ZC3H7B: variants seen among roughly 807,000 people sequenced by gnomAD.
ZC3H7B encodes the protein zinc finger CCCH-type containing 7B.
Under a neutral mutation model 116.0 loss-of-function variants are expected in ZC3H7B, and 35 were observed. The ratio of observed to expected loss-of-function variants is 0.30; its 90% CI spans 0.23 to 0.40. ZC3H7B has a LOEUF of 0.40. ZC3H7B is among the 10% of genes least tolerant of loss of function. The pLI is 1.00. For missense variants in ZC3H7B, 1,011 were observed against 1,321.5 expected (o/e 0.77, Z 3.64); for synonymous variants, 502 against 545.6 (o/e 0.92, Z 1.11).
chr22:41,313,256 C>A (rs1366277263), intron 1 of ZC3H7B, among the ~76,000 whole-genome samples: 1 of 152,020 alleles, frequency 6.6e-6, no homozygotes, highest in Non-Finnish European at 1.5e-5. Flanking sequence ...GTAGCTGGGA[C>A]TACAGGCGCC....
intron 14 of ZC3H7B, among the ~76,000 whole-genome samples, chr22:41,347,364 T>A (rs1260129723): frequency 6.6e-6 from 1 of 152,220 alleles, no homozygotes; most frequent in Non-Finnish European, 1.5e-5. Flanking sequence ...GCCATTGCGC[T>A]TCCCTGCCTG....
rs1483495268 is a variant in ZC3H7B, at chr22:41,351,153, T to G, written c.1949-408T>G. ...GCCAGGCTGGGCAGGCATGGAGCCCTAAGTGCCAGTGAGGCCAGGGGCTGC... is the reference window on the plus strand; with the variant it reads ...GCCAGGCTGGGCAGGCATGGAGCCCGAAGTGCCAGTGAGGCCAGGGGCTGC... On this transcript the variant is annotated intron_variant, in intron 16 of 22. Transcript: ENST00000352645. This position sits in a 1 kb window ranked among gnomAD's most constrained non-coding sequence, Gnocchi z 5.1. Among the ~76,000 whole-genome samples, 1 of 152,156 alleles carries G rather than the reference T, an allele frequency of 6.6e-6. No homozygotes were observed. Among genetic ancestry groups the G allele is most frequent in the African/African-American group, 2.4e-5 (1 of 41,430 alleles).
chr22:41,349,940 T>C lies in ZC3H7B; in HGVS notation c.1948+639T>C, dbSNP rs556672993. Reference sequence around the variant, plus strand: ...TGTCATCATTTAATTAGCAGCATTTTGTGGGGCGGGGATTTAAAATATGGT... The same window carrying C: ...TGTCATCATTTAATTAGCAGCATTTCGTGGGGCGGGGATTTAAAATATGGT... On this transcript the variant is annotated intron_variant, in intron 16 of 22. Coordinates refer to ENST00000352645, the MANE Select transcript of ZC3H7B (RefSeq NM_017590.6). This position sits in a 1 kb window ranked among gnomAD's most constrained non-coding sequence, Gnocchi z 4.9. Among the ~76,000 whole-genome samples the C allele has an allele frequency of 3.9e-5, 6 of 152,328 alleles. No homozygotes were observed. In the East Asian group the frequency reaches 1.2e-3, roughly 29 times the overall value.
chr22:41,314,261 A>G (rs140202641), intron 1 of ZC3H7B, among the ~76,000 whole-genome samples: 1,968 of 151,494 alleles, frequency 0.013, 17 homozygotes, highest in Non-Finnish European at 0.021. Context: ...GGTTCAAGCA[A>G]TTCTCCTGCC....
At chr22:41,323,029 T>C (rs1316955682) in intron 2 of ZC3H7B, among the ~76,000 whole-genome samples, 1 of 152,212 alleles carries the variant, frequency 6.6e-6, no homozygotes. Context: ...GTGTTCATAT[T>C]GACACAACAC....
chr22:41,341,716 C>A (rs1275961445), intron 11 of ZC3H7B, among the ~76,000 whole-genome samples: 1 of 151,798 alleles, frequency 6.6e-6, no homozygotes, highest in African/African-American at 2.4e-5. Context: ...GCATTCCAGC[C>A]TGGGCGACAG....
rs774958937 is a variant in ZC3H7B, at chr22:41,349,110, C to T, written c.1767-10C>T. 73 of 1,612,852 alleles carry T rather than the reference C, an allele frequency of 4.5e-5. 1 individual carries two copies. The highest frequency in any genetic ancestry group is 2.7e-4 in the South Asian group (25 of 91,048). On this transcript the variant is annotated splice_polypyrimidine_tract_variant and intron_variant, in intron 15 of 22. Coordinates refer to ENST00000352645, the MANE Select transcript of ZC3H7B (RefSeq NM_017590.6). This position sits in a 1 kb window ranked among gnomAD's most constrained non-coding sequence, Gnocchi z 4.9. The stretch of plus-strand genomic sequence containing the variant: ...CTGCATCGTGCCCCTCCTGCCTGCC[C>T]GCCCGCCAGGTGCCTGGTGCACATC...
At position 41,357,304 on chromosome 22, in the gene ZC3H7B, ATGC is replaced by A; in HGVS notation, c.2815_2817del (p.Leu939del). 6.2e-7 allele frequency: 1 copy of A among 1,613,794 alleles called. No homozygotes were observed. The highest frequency in any genetic ancestry group is 8.5e-7 in the Non-Finnish European group (1 of 1,179,972). On this transcript the variant is annotated inframe_deletion, in exon 23 of 23. Coordinates refer to ENST00000352645, the MANE Select transcript of ZC3H7B (RefSeq NM_017590.6). This position sits in a 1 kb window ranked among gnomAD's most constrained non-coding sequence, Gnocchi z 5.4. ...GAAGTTGGCCAAGGCTCGCAAGGAC[ATGC>A]TGCTGTGCCCACGGGACGACGACTT...
At position 41,349,330 on chromosome 22, in the gene ZC3H7B, C is replaced by G. The variant is rs2036628795; in HGVS notation, c.1948+29C>G. 2.5e-6 allele frequency: 4 copies of G among 1,607,380 alleles called. No individual in the cohort carries two copies. The highest frequency in any genetic ancestry group is 3.4e-6 in the Non-Finnish European group (4 of 1,175,970). On this transcript the variant is annotated intron_variant, in intron 16 of 22. Transcript: ENST00000352645. This position sits in a 1 kb window ranked among gnomAD's most constrained non-coding sequence, Gnocchi z 4.9. ...AGGGGCAGGCGGTGCAGGTGGAGGG[C>G]AGGTGACTCAGGTGAGGGGTAGGCG...
Position 41,349,001 on chromosome 22 carries a change from G to T in ZC3H7B, c.1767-119G>T. On this transcript the variant is annotated intron_variant, in intron 15 of 22. Coordinates refer to ENST00000352645, the MANE Select transcript of ZC3H7B (RefSeq NM_017590.6). The surrounding 1 kb of genome is among the most constrained non-coding windows in gnomAD (Gnocchi z 4.9). ...CCTGTGTCATCCATGGCCTGGATTT[G>T]GTACATAGATCAGGGGGTGCCCAGG... 1.8e-6 allele frequency: 2 copies of T among 1,112,056 alleles called. No homozygotes were observed. The highest frequency in any genetic ancestry group is 2.6e-6 in the Non-Finnish European group (2 of 780,826). 68.9% of individuals were successfully genotyped at this position (1,112,056 alleles called of 1,614,324 possible).
intron 17 of ZC3H7B, among the ~76,000 whole-genome samples, chr22:41,352,487 G>T (rs1024148917): frequency 1.3e-5 from 2 of 152,226 alleles, no homozygotes; most frequent in Non-Finnish European, 2.9e-5. Context: ...GAGGCCCGGC[G>T]CAGTGGCTCA....
At chr22:41,353,031 G>A (rs2036672901) in intron 17 of ZC3H7B, among the ~76,000 whole-genome samples, 1 of 151,678 alleles carries the variant, frequency 6.6e-6, no homozygotes, top group South Asian at 2.1e-4. Context: ...AGTGAGTTGA[G>A]ATTGTGCCAT....
chr22:41,338,259 T>C lies in ZC3H7B; in HGVS notation c.583-54T>C. On this transcript the variant is annotated intron_variant, in intron 7 of 22. Transcript: ENST00000352645. This position sits in a 1 kb window ranked among gnomAD's most constrained non-coding sequence, Gnocchi z 4.5. ...CACGTGGGGAGGGGCTGGTGCTGGG[T>C]GCTGGGATCGGGGCCTTCCCAGCCA... 6.3e-7 allele frequency: 1 copy of C among 1,582,284 alleles called. No homozygotes were observed. The highest frequency in any genetic ancestry group is 8.6e-7 in the Non-Finnish European group (1 of 1,159,076).
chr22:41,345,530 A>G (rs2036573539), intron 13 of ZC3H7B, among the ~76,000 whole-genome samples: 2 of 152,160 alleles, frequency 1.3e-5, no homozygotes, highest in Admixed American at 1.3e-4. Flanking sequence ...GGTTGCAGTG[A>G]GCTGAAATCG....
chr22:41,347,285 C>T (rs921177029), intron 14 of ZC3H7B, among the ~76,000 whole-genome samples: 12 of 152,364 alleles, frequency 7.9e-5, no homozygotes, highest in East Asian at 7.7e-4. Flanking sequence ...CCGTCCCAAG[C>T]GCCGTGTCCA....
chr22:41,350,664 C>CT (rs1309750143), intron 16 of ZC3H7B, among the ~76,000 whole-genome samples: 4 of 152,124 alleles, frequency 2.6e-5, no homozygotes, highest in Non-Finnish European at 5.9e-5. Context: ...AGGGGGCAGG[C>CT]TGTAAGAGGA....
At position 41,349,060 on chromosome 22, in the gene ZC3H7B, G is replaced by A. The variant is rs949605431; in HGVS notation, c.1767-60G>A. The A allele has an allele frequency of 9.6e-6, 15 of 1,569,210 alleles. No individual in the cohort carries two copies. The highest frequency in any genetic ancestry group is 3.6e-5 in the Admixed American group (2 of 55,818). ...GGCACTGGGAAGGTGGCCCTACCAG[G>A]AGAGAAGGTCAGAGGGGCTGCGGAC... On this transcript the variant is annotated intron_variant, in intron 15 of 22. Coordinates refer to ENST00000352645, the MANE Select transcript of ZC3H7B (RefSeq NM_017590.6). This position sits in a 1 kb window ranked among gnomAD's most constrained non-coding sequence, Gnocchi z 4.9.
Position 41,356,774 on chromosome 22 carries a change from C to G in ZC3H7B, c.2647C>G (p.Arg883Gly). 1 of 1,613,546 alleles carries G rather than the reference C, an allele frequency of 6.2e-7. No homozygotes were observed. The highest frequency in any genetic ancestry group is 8.5e-7 in the Non-Finnish European group (1 of 1,179,980). ...CAGTGACGCCAGCGGCTGGGCCTTC[C>G]GCTTCCCCATGGGCGAGTTCCGGCT... Reference protein sequence around the residue: ...SDSDASGWAFRFPMGEFRLCD... With the variant: ...SDSDASGWAFGFPMGEFRLCD... Residue 883 changes from arginine to glycine, a missense_variant, in exon 22 of 23, where the codon CGC (arginine) becomes GGC (glycine). Transcript: ENST00000352645.
At chr22:41,326,724 T>C (rs1480719485) in intron 4 of ZC3H7B, among the ~76,000 whole-genome samples, 1 of 152,218 alleles carries the variant, frequency 6.6e-6, no homozygotes, top group Non-Finnish European at 1.5e-5. Context: ...CTGCAGGCTC[T>C]CTAGAGGACC....
Sources: gnomAD v4.1 joint callset for allele counts (sites outside exome capture counted in the v4.1 genomes callset) on GRCh38, gnomAD v4.1.1 for gene constraint, Gnocchi (gnomAD v3.1) non-coding constraint, MANE v1.5 for transcripts, NCBI Gene and HGNC (gene_info 2026-07-23, HGNC 2026-07-21) for gene names.